KRTAP5-8: variants seen among roughly 807,000 people sequenced by gnomAD.
KRTAP5-8 encodes keratin associated protein 5-8.
KRTAP5-8 carries 2 observed loss-of-function variants against 2.7 expected under a neutral mutation model. The observed-to-expected ratio is 0.75, with a 90% confidence interval of 0.30 to 2.35. KRTAP5-8 has a LOEUF of 2.35. KRTAP5-8 is among the 30% of genes most tolerant of loss of function. The pLI, the probability that KRTAP5-8 is intolerant of heterozygous loss-of-function variation, is 0.12. For synonymous variants in KRTAP5-8, 62 were observed against 89.1 expected (o/e 0.70, Z 1.71); for missense variants, 183 against 227.2 (o/e 0.81, Z 1.25).
In KRTAP5-8 at chr11:71,538,892, C is replaced by T; in HGVS notation, c.*273C>T. On this transcript the variant is annotated 3_prime_UTR_variant, in exon 1 of 1. Transcript: ENST00000398534. ...CTCAGGGCTTCAAGATCCCACATCCCTGGGCCCCTCCTGTGAGCCTGCTGG... is the reference window on the plus strand; with the variant it reads ...CTCAGGGCTTCAAGATCCCACATCCTTGGGCCCCTCCTGTGAGCCTGCTGG... The T allele has an allele frequency of 1.5e-6, 1 of 668,416 alleles. No individual in the cohort carries two copies. The highest frequency in any genetic ancestry group is 2.6e-6 in the Non-Finnish European group (1 of 391,112). The allele number at this position is 668,416 out of a possible 1,614,324, so 41.4% of individuals were successfully genotyped here. A position where few individuals can be genotyped will look rare whatever the true frequency, so the allele number is the denominator to read the frequency against.
chr11:71,538,933 G>T lies in KRTAP5-8; in HGVS notation c.*314G>T. The T allele has an allele frequency of 1.7e-6, 1 of 571,656 alleles. No individual in the cohort carries two copies. The highest frequency in any genetic ancestry group is 3.2e-6 in the Non-Finnish European group (1 of 317,080). 35.4% of individuals were successfully genotyped at this position (571,656 alleles called of 1,614,324 possible). ...AGCCTGCTGGAAACACACTGAAACTGGAATCCTCCGACCTGCTGCCGCCTC... is the reference window on the plus strand; with the variant it reads ...AGCCTGCTGGAAACACACTGAAACTTGAATCCTCCGACCTGCTGCCGCCTC... On this transcript the variant is annotated 3_prime_UTR_variant, in exon 1 of 1. Transcript: ENST00000398534.
Position 71,538,687 on chromosome 11 carries a change from C to G in KRTAP5-8, c.*68C>G, listed in dbSNP as rs377746966. 2.4e-5 allele frequency: 38 copies of G among 1,612,208 alleles called. No individual in the cohort carries two copies. In the East Asian group the frequency reaches 3.8e-4, roughly 16 times the overall value. Reference sequence around the variant, plus strand: ...CTCCAGGAATGACTGTAGCTGTGTCCTGAATTCCTGAAGCACATCTCTGAG... The same window carrying G: ...CTCCAGGAATGACTGTAGCTGTGTCGTGAATTCCTGAAGCACATCTCTGAG... On this transcript the variant is annotated 3_prime_UTR_variant, in exon 1 of 1. Transcript: ENST00000398534.
rs1211264827 is a variant in KRTAP5-8, at chr11:71,538,250, C to A, written c.195C>A (p.Gly65=). ...AGGGGGGCCGTGGCTCCTGTGGGGG[C>A]TCCAAGGGGGACTGTGGCTCCTGTG... is the stretch of plus-strand genomic sequence containing the variant. ...GSKGGRGSCG[G]SKGDCGSCGG... The change falls in exon 1 of 1, where the codon GGC becomes GGA. Residue 65 remains glycine (G), a synonymous_variant. Transcript: ENST00000398534. The A allele has an allele frequency of 3.1e-6, 5 of 1,613,050 alleles. No homozygotes were observed. The Admixed American group carries it at 8.3e-5, about 27-fold the overall frequency.
At position 71,538,675 on chromosome 11, in the gene KRTAP5-8, T is replaced by C; in HGVS notation, c.*56T>C. 6.2e-7 allele frequency: 1 copy of C among 1,613,640 alleles called. No individual in the cohort carries two copies. On this transcript the variant is annotated 3_prime_UTR_variant, in exon 1 of 1. Coordinates refer to ENST00000398534, the MANE Select transcript of KRTAP5-8 (RefSeq NM_021046.3). The stretch of plus-strand genomic sequence containing the variant: ...CAGATCTGGGCTCTCCAGGAATGAC[T>C]GTAGCTGTGTCCTGAATTCCTGAAG...
Position 71,538,306 on chromosome 11 carries a change from G to A in KRTAP5-8, c.251G>A (p.Gly84Asp), listed in dbSNP as rs771447989. The change falls in exon 1 of 1, where the codon GGC (glycine) becomes GAC (aspartate). Residue 84 changes from glycine (G) to aspartate (D), a missense_variant. Around this residue, in one of 2 missense-constraint regions of KRTAP5-8, gnomAD observed 113 missense variants for 109.3 expected, o/e 1.03. Coordinates refer to ENST00000398534, the MANE Select transcript of KRTAP5-8 (RefSeq NM_021046.3). ...TCCAAGGGAGGCTGTGGTTCTTGTG[G>A]CTGCTCCCAGTGCAGCTGCTATAAG... ...GGSKGGCGSC[G>D]CSQCSCYKPC... 16 of 1,614,008 alleles carry A rather than the reference G, an allele frequency of 9.9e-6. No individual in the cohort carries two copies. The highest frequency in any genetic ancestry group is 1.3e-5 in the Non-Finnish European group (15 of 1,179,976).
In KRTAP5-8 at chr11:71,538,100, G is replaced by A; in HGVS notation, c.45G>A (p.Gly15=). The A allele has an allele frequency of 1.2e-6, 2 of 1,611,416 alleles. No homozygotes were observed. The highest frequency in any genetic ancestry group is 1.7e-6 in the Non-Finnish European group (2 of 1,179,218). The change falls in exon 1 of 1, where the codon GGG becomes GGA. Residue 15 remains glycine (G), a synonymous_variant. Coordinates refer to ENST00000398534, the MANE Select transcript of KRTAP5-8 (RefSeq NM_021046.3). ...GCSGGCGSGC[G]GCGSGCGGCG... ...CTGGAGGCTGTGGCTCCGGCTGTGG[G>A]GGCTGCGGCTCTGGCTGTGGGGGAT... is the stretch of plus-strand genomic sequence containing the variant.
In KRTAP5-8 at chr11:71,538,784, T is replaced by C. The variant is rs1302634585; in HGVS notation, c.*165T>C. ...CTCAGCTGCTCAGCCTCTGAGGTCA[T>C]GAGGGCTTCTGGCATGCTGGGTGCT... On this transcript the variant is annotated 3_prime_UTR_variant, in exon 1 of 1. Coordinates refer to ENST00000398534, the MANE Select transcript of KRTAP5-8 (RefSeq NM_021046.3). 19 of 1,417,948 alleles carry C rather than the reference T, an allele frequency of 1.3e-5. No homozygotes were observed. The highest frequency in any genetic ancestry group is 2.1e-5 in the Admixed American group (1 of 47,134). The allele number at this position is 1,417,948 out of a possible 1,614,324, so 87.8% of individuals were successfully genotyped here.
chr11:71,538,621 G>A lies in KRTAP5-8; in HGVS notation c.*2G>A, dbSNP rs1358070043. 1.2e-6 allele frequency: 2 copies of A among 1,612,196 alleles called. No individual in the cohort carries two copies. The highest frequency in any genetic ancestry group is 1.7e-5 in the Admixed American group (1 of 59,848). On this transcript the variant is annotated 3_prime_UTR_variant, in exon 1 of 1. Transcript: ENST00000398534. ...ATTTGCTGCCAGTGCAAGATCTGAGGCTCTGCCTACAAATCTCAGCTGGTC... is the reference window on the plus strand; with the variant it reads ...ATTTGCTGCCAGTGCAAGATCTGAGACTCTGCCTACAAATCTCAGCTGGTC...
rs1455434502 is a variant in KRTAP5-8 at position 71,538,048 on chromosome 11, C to A, written c.-8C>A. ...CTCTACCTGCTCCACCCTCAACCCA[C>A]CAGAACCATGGGCTGCTGTGGCTGC... On this transcript the variant is annotated 5_prime_UTR_variant, in exon 1 of 1. Transcript: ENST00000398534. The A allele has an allele frequency of 1.3e-6, 2 of 1,521,142 alleles. No individual in the cohort carries two copies. Among genetic ancestry groups the A allele is most frequent in the Non-Finnish European group, 1.8e-6 (2 of 1,137,184 alleles). The allele number at this position is 1,521,142 out of a possible 1,614,324, so 94.2% of individuals were successfully genotyped here. A position where few individuals can be genotyped will look rare whatever the true frequency, so the allele number is the denominator to read the frequency against.
At position 71,538,430 on chromosome 11, in the gene KRTAP5-8, C is replaced by T. The variant is rs1298528547; in HGVS notation, c.375C>T (p.Cys125=). ...SQSSCCKPCS[C]SSGCGSSCCQ... ...CCAGCTGTTGTAAGCCCTGCAGCTGCTCTTCAGGCTGTGGGTCATCCTGCT... is the reference window on the plus strand; with the variant it reads ...CCAGCTGTTGTAAGCCCTGCAGCTGTTCTTCAGGCTGTGGGTCATCCTGCT... The change falls in exon 1 of 1, where the codon TGC becomes TGT. Residue 125 remains cysteine, a synonymous_variant. Coordinates refer to ENST00000398534, the MANE Select transcript of KRTAP5-8 (RefSeq NM_021046.3). 5 of 1,612,378 alleles carry T rather than the reference C, an allele frequency of 3.1e-6. No individual in the cohort carries two copies. In the South Asian group the frequency reaches 4.4e-5, roughly 14 times the overall value.
chr11:71,538,815 T>C lies in KRTAP5-8; in HGVS notation c.*196T>C. Reference sequence around the variant, plus strand: ...CTTCTGGCATGCTGGGTGCTGCCCATCAACCCTCCCAGAATCCCCTCTTCC... The same window carrying C: ...CTTCTGGCATGCTGGGTGCTGCCCACCAACCCTCCCAGAATCCCCTCTTCC... On this transcript the variant is annotated 3_prime_UTR_variant, in exon 1 of 1. Transcript: ENST00000398534. The C allele has an allele frequency of 8.9e-7, 1 of 1,117,372 alleles. No homozygotes were observed. Among genetic ancestry groups the C allele is most frequent in the Non-Finnish European group, 1.3e-6 (1 of 783,490 alleles). The allele number at this position is 1,117,372 out of a possible 1,614,324, so 69.2% of individuals were successfully genotyped here. A position where few individuals can be genotyped will look rare whatever the true frequency, so the allele number is the denominator to read the frequency against.
Position 71,539,059 on chromosome 11 carries a change from G to T in KRTAP5-8, c.*440G>T. On this transcript the variant is annotated 3_prime_UTR_variant, in exon 1 of 1. Coordinates refer to ENST00000398534, the MANE Select transcript of KRTAP5-8 (RefSeq NM_021046.3). ...TTTTGGAGTTGACCTAGAGGACTCAGAATTATTAGAGACCCCAGGATCCTC... is the reference window on the plus strand; with the variant it reads ...TTTTGGAGTTGACCTAGAGGACTCATAATTATTAGAGACCCCAGGATCCTC... The T allele has an allele frequency of 3.6e-6, 1 of 276,080 alleles. No individual in the cohort carries two copies. Among genetic ancestry groups the T allele is most frequent in the Non-Finnish European group, 7.3e-6 (1 of 136,542 alleles). The allele number at this position is 276,080 out of a possible 1,614,324, so 17.1% of individuals were successfully genotyped here. A position where few individuals can be genotyped will look rare whatever the true frequency, so the allele number is the denominator to read the frequency against.
rs1363392653 is a variant in KRTAP5-8, at chr11:71,539,102, G to A, written c.*483G>A. Reference sequence around the variant, plus strand: ...GGATCCTCTCCTGAGGAGGAGGGGCGCCCAGTCTCCTCTTCTACCTCTGAC... The same window carrying A: ...GGATCCTCTCCTGAGGAGGAGGGGCACCCAGTCTCCTCTTCTACCTCTGAC... On this transcript the variant is annotated 3_prime_UTR_variant, in exon 1 of 1. Transcript: ENST00000398534. The A allele has an allele frequency of 1.4e-5, 3 of 211,116 alleles. No individual in the cohort carries two copies. The highest frequency in any genetic ancestry group is 4.6e-5 in the African/African-American group (2 of 43,018). The allele number at this position is 211,116 out of a possible 1,614,324, so 13.1% of individuals were successfully genotyped here.
chr11:71,538,429 G>T lies in KRTAP5-8; in HGVS notation c.374G>T (p.Cys125Phe). 1.2e-6 allele frequency: 2 copies of T among 1,612,330 alleles called. No individual in the cohort carries two copies. Among genetic ancestry groups the T allele is most frequent in the Admixed American group, 3.3e-5 (2 of 59,882 alleles). ...SQSSCCKPCS[C>F]SSGCGSSCCQ... ...TCCAGCTGTTGTAAGCCCTGCAGCTGCTCTTCAGGCTGTGGGTCATCCTGC... is the reference window on the plus strand; with the variant it reads ...TCCAGCTGTTGTAAGCCCTGCAGCTTCTCTTCAGGCTGTGGGTCATCCTGC... Residue 125 changes from cysteine (C) to phenylalanine (F), a missense_variant, in exon 1 of 1, where the codon TGC becomes TTC. Cys to Phe is a radical substitution (Grantham distance 205, BLOSUM62 -2). Around this residue, in one of 2 missense-constraint regions of KRTAP5-8, gnomAD observed 70 missense variants for 117.9 expected, o/e 0.59. Coordinates refer to ENST00000398534, the MANE Select transcript of KRTAP5-8 (RefSeq NM_021046.3).
In KRTAP5-8 at chr11:71,538,276, G is replaced by C. The variant is rs548540927; in HGVS notation, c.221G>C (p.Gly74Ala). 5.0e-6 allele frequency: 8 copies of C among 1,613,748 alleles called. No individual in the cohort carries two copies. In the East Asian group the frequency reaches 1.8e-4, roughly 36 times the overall value. The change falls in exon 1 of 1, where the codon GGG becomes GCG. Residue 74 changes from glycine to alanine, a missense_variant. By Grantham distance (60) the Gly-to-Ala change is moderately conservative. Transcript: ENST00000398534. ...GGSKGDCGSC[G>A]GSKGGCGSCG... is the part of the protein sequence containing the mutation. ...TCCAAGGGGGACTGTGGCTCCTGTG[G>C]GGGCTCCAAGGGAGGCTGTGGTTCT...
Position 71,538,683 on chromosome 11 carries a change from T to C in KRTAP5-8, c.*64T>C, listed in dbSNP as rs1950062542. 5 of 1,612,580 alleles carry C rather than the reference T, an allele frequency of 3.1e-6. No individual in the cohort carries two copies. The South Asian group carries it at 3.3e-5, about 11-fold the overall frequency. On this transcript the variant is annotated 3_prime_UTR_variant, in exon 1 of 1. Coordinates refer to ENST00000398534, the MANE Select transcript of KRTAP5-8 (RefSeq NM_021046.3). ...GGCTCTCCAGGAATGACTGTAGCTG[T>C]GTCCTGAATTCCTGAAGCACATCTC... is the stretch of plus-strand genomic sequence containing the variant.
Position 71,539,010 on chromosome 11 carries a change from CT to C in KRTAP5-8, c.*392del. 2.7e-6 allele frequency: 1 copy of C among 370,616 alleles called. No homozygotes were observed. Among genetic ancestry groups the C allele is most frequent in the Non-Finnish European group, 5.2e-6 (1 of 191,572 alleles). 23.0% of individuals were successfully genotyped at this position (370,616 alleles called of 1,614,324 possible). A position where few individuals can be genotyped will look rare whatever the true frequency, so the allele number is the denominator to read the frequency against. ...CCTCCACCCTTCATCTTCATCCTGCCTGAGCTGCCACAGCTCCGATTGTTTT... is the reference window on the plus strand; with the variant it reads ...CCTCCACCCTTCATCTTCATCCTGCCGAGCTGCCACAGCTCCGATTGTTTT... On this transcript the variant is annotated 3_prime_UTR_variant, in exon 1 of 1. Transcript: ENST00000398534.
At position 71,538,437 on chromosome 11, in the gene KRTAP5-8, G is replaced by A. The variant is rs1591152031; in HGVS notation, c.382G>A (p.Gly128Ser). ...SCCKPCSCSS[G>S]CGSSCCQSSC... Reference sequence around the variant, plus strand: ...TTGTAAGCCCTGCAGCTGCTCTTCAGGCTGTGGGTCATCCTGCTGCCAGTC... The same window carrying A: ...TTGTAAGCCCTGCAGCTGCTCTTCAAGCTGTGGGTCATCCTGCTGCCAGTC... The change falls in exon 1 of 1, where the codon GGC (glycine) becomes AGC (serine). Residue 128 changes from glycine to serine, a missense_variant. Physicochemically the swap from Gly to Ser is moderately conservative, Grantham distance 56. Transcript: ENST00000398534. The A allele has an allele frequency of 3.7e-6, 6 of 1,611,016 alleles. No homozygotes were observed. The East Asian group carries it at 1.4e-4, about 36-fold the overall frequency.
In KRTAP5-8 at chr11:71,538,177, G is replaced by T. The variant is rs764604655; in HGVS notation, c.122G>T (p.Cys41Phe). ...PICCCKPVCC[C>F]VPACSCSSCG... ...TGCTGCTGCAAGCCCGTGTGCTGCTGTGTGCCAGCCTGTTCCTGCTCCAGC... is the reference window on the plus strand; with the variant it reads ...TGCTGCTGCAAGCCCGTGTGCTGCTTTGTGCCAGCCTGTTCCTGCTCCAGC... Residue 41 changes from cysteine (C) to phenylalanine (F), a missense_variant, in exon 1 of 1, where the codon TGT (cysteine) becomes TTT (phenylalanine). Physicochemically the swap from Cys to Phe is radical, Grantham distance 205. This residue lies in a region of KRTAP5-8 where 113 missense variants were observed against 109.3 expected (regional missense o/e 1.03). Coordinates refer to ENST00000398534, the MANE Select transcript of KRTAP5-8 (RefSeq NM_021046.3). The T allele has an allele frequency of 1.7e-5, 28 of 1,612,664 alleles. No individual in the cohort carries two copies. Among genetic ancestry groups the T allele is most frequent in the Non-Finnish European group, 2.4e-5 (28 of 1,179,840 alleles).
Sources: allele counts gnomAD v4.1 joint callset, GRCh38; gene constraint gnomAD v4.1.1; regional missense constraint gnomAD v4.1.1; transcripts MANE v1.5; gene names NCBI Gene and HGNC (gene_info 2026-07-23, HGNC 2026-07-21).